FBXW10: variants seen among roughly 807,000 people sequenced by gnomAD.
The protein encoded by FBXW10 is F-box and WD repeat domain containing 10, also known as F-box/WD repeat-containing protein 10.
In FBXW10, 68 loss-of-function variants were observed where a neutral mutation model predicts 113.1. That is an observed-to-expected ratio of 0.60 (90% CI 0.49 to 0.74). The LOEUF is 0.74. FBXW10 is among the 30% of genes least tolerant of loss of function. FBXW10 has a pLI of 0.00. For synonymous variants in FBXW10, 289 were observed against 481.6 expected, an observed-to-expected ratio of 0.60 and a Z score of 5.24; for missense variants, 753 against 1,284.5, an observed-to-expected ratio of 0.59 and a Z score of 6.32.
intron 9 of FBXW10, among the ~76,000 whole-genome samples, chr17:18,768,257 AG>A (rs1346403332): frequency 6.6e-6 from 1 of 151,968 alleles, no homozygotes. Flanking sequence ...TAGTAGAGAC[AG>A]GGTTTCACCA....
At position 18,761,805 on chromosome 17, in the gene FBXW10, T is replaced by C. The variant is rs190020826; in HGVS notation, c.1434-2937T>C. On this transcript the variant is annotated intron_variant, in intron 7 of 13. Transcript: ENST00000395665. ...TACAGTTATAATTTTATTACTATTG[T>C]GAATGGTATCTTAATTTTGCTTATA... Among the ~76,000 whole-genome samples the C allele has an allele frequency of 4.2e-3, 644 of 152,330 alleles. 2 individuals carry two copies. The highest frequency in any genetic ancestry group is 7.0e-3 in the Non-Finnish European group (476 of 68,032).
intron 5 of FBXW10, among the ~76,000 whole-genome samples, chr17:18,753,124 A>C (rs2035199633): frequency 6.6e-6 from 1 of 152,176 alleles, no homozygotes; most frequent in Non-Finnish European, 1.5e-5. Flanking sequence ...TTCTAACTAC[A>C]AGCAGCCAGA....
chr17:18,747,128 G>A (rs1266800525), intron 1 of FBXW10, among the ~76,000 whole-genome samples: 7 of 151,950 alleles, frequency 4.6e-5, no homozygotes, highest in Non-Finnish European at 1.0e-4. Context: ...GGGTTTCACC[G>A]TGTTAGCCCG....
At chr17:18,767,403 CA>C (rs1433255047) in intron 9 of FBXW10, among the ~76,000 whole-genome samples, 11 of 147,468 alleles carry the variant, frequency 7.5e-5, no homozygotes, top group Non-Finnish European at 4.4e-5. Flanking sequence ...TTGCTTGAAC[CA>C]GGGAGGCAGA....
chr17:18,776,883 T>C (rs1264965489), intron 13 of FBXW10, among the ~76,000 whole-genome samples: 2 of 152,146 alleles, frequency 1.3e-5, no homozygotes, highest in African/African-American at 4.8e-5. Context: ...CTAAAAATTG[T>C]ATGATGAGGA....
intron 5 of FBXW10, among the ~76,000 whole-genome samples, chr17:18,754,231 A>C (rs963236332): frequency 1.3e-5 from 2 of 151,872 alleles, no homozygotes; most frequent in African/African-American, 4.8e-5. Context: ...TGACTCCACC[A>C]TGTGGCTTCT....
At chr17:18,761,717 GTTCT>G (rs1310730564) in intron 7 of FBXW10, among the ~76,000 whole-genome samples, 2 of 152,120 alleles carry the variant, frequency 1.3e-5, no homozygotes, top group Non-Finnish European at 2.9e-5. Flanking sequence ...GATCATCTGT[GTTCT>G]TTCTTAGAGC....
intron 7 of FBXW10, among the ~76,000 whole-genome samples, chr17:18,762,341 T>G (rs1567620776): frequency 2.0e-5 from 3 of 147,766 alleles, no homozygotes; most frequent in Non-Finnish European, 4.5e-5. Flanking sequence ...TTTTTTGAGA[T>G]GGAGTCTCGC....
intron 11 of FBXW10, among the ~76,000 whole-genome samples, chr17:18,771,844 C>G (rs1368655867): frequency 1.3e-5 from 2 of 152,186 alleles, no homozygotes; most frequent in African/African-American, 4.8e-5. Flanking sequence ...CGCAGTGGCT[C>G]GTGCTTGTAA....
intron 12 of FBXW10, 115 bp downstream of exon 12, chr17:18,772,798 G>A: frequency 1.2e-6 from 1 of 848,614 alleles, no homozygotes; most frequent in Non-Finnish European, 1.9e-6. Context: ...TTTGGCCAGT[G>A]GTTTCCTGAG....
intron 1 of FBXW10, among the ~76,000 whole-genome samples, chr17:18,746,819 T>G (rs1224161980): frequency 2.0e-5 from 3 of 152,104 alleles, no homozygotes; most frequent in Admixed American, 2.0e-4. Context: ...ACAGATGCAA[T>G]GCTCCACAGT....
At chr17:18,761,466 T>C (rs1354243712) in intron 7 of FBXW10, among the ~76,000 whole-genome samples, 2 of 152,090 alleles carry the variant, frequency 1.3e-5, no homozygotes, top group East Asian at 1.9e-4. Flanking sequence ...AAGGTTTCTC[T>C]GTGCTAGCCA....
At chr17:18,768,820 C>T (rs1000891275) in intron 10 of FBXW10, 144 bp downstream of exon 10, 12 of 856,848 alleles carry the variant, frequency 1.4e-5, no homozygotes, top group Non-Finnish European at 2.1e-5. Flanking sequence ...CCTCCTCTTC[C>T]ACCTGGGACC....
chr17:18,764,712 T>G, intron 7 of FBXW10, 30 bp from the exon 8 acceptor site: 2 of 1,613,772 alleles, frequency 1.2e-6, no homozygotes, highest in South Asian at 2.2e-5. Flanking sequence ...CCTCAGGAAC[T>G]CTCACATTCT....
At chr17:18,775,240 G>A in intron 13 of FBXW10, 48 bp downstream of exon 13, 1 of 1,258,132 alleles carries the variant, frequency 7.9e-7, no homozygotes, top group Non-Finnish European at 1.2e-6. Context: ...TGGCACGGAT[G>A]GTGGGCAGGA....
rs1409307682 is a variant in FBXW10 at position 18,778,855 on chromosome 17, T to C, written c.2716T>C (p.Ser906Pro). The C allele has an allele frequency of 5.6e-6, 9 of 1,613,904 alleles. No individual in the cohort carries two copies. The South Asian group carries it at 9.9e-5, about 18-fold the overall frequency. The change falls in exon 14 of 14, where the codon TCC becomes CCC. Residue 906 changes from serine (S) to proline (P), a missense_variant. Ser to Pro is a moderately conservative substitution (Grantham distance 74). Transcript: ENST00000395665. ...KISLHSPRVQSTIPQPMIIRS... is the reference protein window; with the variant it reads ...KISLHSPRVQPTIPQPMIIRS... ...CTCTTTGCACAGTCCTAGAGTCCAG[T>C]CCACCATACCCCAGCCCATGATTAT...
chr17:18,751,156 C>G, intron 5 of FBXW10, 103 bp downstream of exon 5: 1 of 1,489,962 alleles, frequency 6.7e-7, no homozygotes, highest in Non-Finnish European at 9.1e-7. Flanking sequence ...GACAGAGGAT[C>G]ACGGCAGGTG....
At chr17:18,758,262 C>A (rs1439337790) in intron 6 of FBXW10, 43 bp from the exon 7 acceptor site, 1 of 1,441,552 alleles carries the variant, frequency 6.9e-7, no homozygotes, top group Non-Finnish European at 9.3e-7. Context: ...AGGAGGGACA[C>A]TGACTCTTCT....
chr17:18,760,127 A>G (rs1031168003), intron 7 of FBXW10, among the ~76,000 whole-genome samples: 4 of 152,190 alleles, frequency 2.6e-5, no homozygotes, highest in African/African-American at 9.7e-5. Flanking sequence ...ATTCTCACCA[A>G]CACTTACTAT....
Sources: gnomAD v4.1 joint callset for allele counts (sites outside exome capture counted in the v4.1 genomes callset) on GRCh38, gnomAD v4.1.1 for gene constraint, MANE v1.5 for transcripts, NCBI Gene and HGNC (gene_info 2026-07-23, HGNC 2026-07-21) for gene names.